Variants in ROBO1 observed in about 807,000 individuals in gnomAD.
ROBO1 encodes the protein roundabout homolog 1.
In ROBO1, 149 loss-of-function variants were observed where a neutral mutation model predicts 195.9. The ratio of observed to expected loss-of-function variants is 0.76; its 90% CI spans 0.67 to 0.87. ROBO1 has a LOEUF of 0.87. ROBO1 is among the 40% of genes least tolerant of loss of function. The probability of loss-of-function intolerance (pLI) is 0.00; values close to 1 mark genes in which losing one functional copy is unlikely to be tolerated. For missense variants in ROBO1, 1,933 were observed against 2,068.3 expected (o/e 0.93, Z 1.27); for synonymous variants, 816 against 733.2 (o/e 1.11, Z -1.82).
Position 79,134,231 on chromosome 3 carries a change from A to G in ROBO1, c.89-8692T>C, listed in dbSNP as rs928839955. On this transcript the variant is annotated intron_variant, in intron 2 of 30. Transcript: ENST00000464233. ...CCCCATCAAAAAGTGGGCGAAGGAC[A>G]TGAACAGACACTTCTCAAAAGAAGA... is the stretch of plus-strand genomic sequence containing the variant. Among the ~76,000 whole-genome samples, 6 of 135,060 alleles carry G rather than the reference A, an allele frequency of 4.4e-5. No individual in the cohort carries two copies. In the Admixed American group the frequency reaches 4.8e-4, roughly 11 times the overall value. 88.6% of individuals were successfully genotyped at this position (135,060 alleles called of 152,430 possible). A position where few individuals can be genotyped will look rare whatever the true frequency, so the allele number is the denominator to read the frequency against.
intron 3 of ROBO1, among the ~76,000 whole-genome samples, chr3:78,946,348 G>A (rs1367614219): frequency 1.3e-5 from 2 of 152,162 alleles, no homozygotes; most frequent in Non-Finnish European, 2.9e-5. Flanking sequence ...ACAAGCTAGA[G>A]GAGAGTGGGG....
At chr3:78,717,122 A>G (rs376423281) in intron 7 of ROBO1, among the ~76,000 whole-genome samples, 153 bp downstream of exon 7, 133 of 152,124 alleles carry the variant, frequency 8.7e-4, no homozygotes, top group African/African-American at 2.8e-3. Flanking sequence ...CAGGATGGCA[A>G]CCTCCTGCTT....
At chr3:78,740,578 T>A (rs2108250570) in intron 5 of ROBO1, among the ~76,000 whole-genome samples, 1 of 151,890 alleles carries the variant, frequency 6.6e-6, no homozygotes, top group East Asian at 2.0e-4. Flanking sequence ...TTCAAGCGAC[T>A]GTCCTGTCTC....
intron 4 of ROBO1, among the ~76,000 whole-genome samples, chr3:78,819,954 A>G (rs1035392823): frequency 2.0e-5 from 3 of 152,184 alleles, no homozygotes; most frequent in Non-Finnish European, 2.9e-5. Context: ...ATTATCCCCA[A>G]TGGGATAGAA....
chr3:79,040,424 G>A (rs1334782091), intron 3 of ROBO1, among the ~76,000 whole-genome samples: 2 of 151,934 alleles, frequency 1.3e-5, no homozygotes, highest in East Asian at 3.9e-4. Context: ...TAATATACAA[G>A]AGCTTATAAT....
chr3:78,714,536 AC>A lies in ROBO1; in HGVS notation c.918-13del, dbSNP rs760213624. On this transcript the variant is annotated splice_polypyrimidine_tract_variant and intron_variant, in intron 7 of 30. Coordinates refer to ENST00000464233, the MANE Select transcript of ROBO1 (RefSeq NM_002941.4). ...CTCGGATTTCATATCTAATGACATA[AC>A]AAAAGAAAGCACAGTTAAGTGACTT... The A allele has an allele frequency of 6.2e-7, 1 of 1,606,472 alleles. No individual in the cohort carries two copies. The highest frequency in any genetic ancestry group is 8.5e-7 in the Non-Finnish European group (1 of 1,176,838).
At chr3:78,953,016 G>T (rs930758361) in intron 3 of ROBO1, among the ~76,000 whole-genome samples, 3 of 152,084 alleles carry the variant, frequency 2.0e-5, no homozygotes, top group Admixed American at 2.0e-4. Context: ...TATTCCTAAA[G>T]AATCTAATAT....
intron 4 of ROBO1, among the ~76,000 whole-genome samples, chr3:78,779,649 A>G (rs1464703528): frequency 1.3e-5 from 2 of 152,212 alleles, no homozygotes; most frequent in African/African-American, 4.8e-5. Context: ...ACGCTTTTAC[A>G]CTGTTGGTGG....
At chr3:79,702,421 T>C (rs1947645651) in intron 1 of ROBO1, among the ~76,000 whole-genome samples, 1 of 151,874 alleles carries the variant, frequency 6.6e-6, no homozygotes, top group South Asian at 2.1e-4. Context: ...TTATAACTCA[T>C]TGTCTCTTCT....
chr3:78,968,087 G>A (rs1377671989), intron 3 of ROBO1, among the ~76,000 whole-genome samples: 1 of 152,080 alleles, frequency 6.6e-6, no homozygotes, highest in Non-Finnish European at 1.5e-5. Flanking sequence ...TGTTACAGAA[G>A]TATCAAAAGA....
intron 2 of ROBO1, among the ~76,000 whole-genome samples, chr3:79,207,301 A>G (rs1338088313): frequency 6.6e-6 from 1 of 152,150 alleles, no homozygotes; most frequent in Non-Finnish European, 1.5e-5. Context: ...CATGTCATAA[A>G]ACAATGCCTC....
intron 3 of ROBO1, among the ~76,000 whole-genome samples, chr3:79,004,222 G>A (rs2077570925): frequency 6.6e-6 from 1 of 152,032 alleles, no homozygotes; most frequent in South Asian, 2.1e-4. Flanking sequence ...ACATGGGGAT[G>A]TAAATTTGCG....
chr3:79,550,197 A>AAAGAAAGAAAGG (rs142251104), intron 2 of ROBO1, among the ~76,000 whole-genome samples: 1 of 19,328 alleles, frequency 5.2e-5, no homozygotes, highest in African/African-American at 1.4e-4. Flanking sequence ...GAAAGAAAGG[A>AAAGAAAGAAAGG]AAAGAAAAGA....
At chr3:79,564,035 T>TA (rs35020571) in intron 2 of ROBO1, among the ~76,000 whole-genome samples, 6,723 of 148,086 alleles carry the variant, frequency 0.045, 490 homozygotes, top group African/African-American at 0.15. Context: ...ATGGTAAAAT[T>TA]AAAAAAAAAA....
Position 79,578,946 on chromosome 3 carries a change from G to A in ROBO1, c.88+10878C>T, listed in dbSNP as rs140349308. ...AAGAACTAGTTGCCAGTGAACATTC[G>A]TACGCTTATGTTTAATAGCTTTGAG... On this transcript the variant is annotated intron_variant, in intron 2 of 30. Transcript: ENST00000464233. 1.9e-3 allele frequency among the ~76,000 whole-genome samples: 296 copies of A among 152,196 alleles called. 1 individual carries two copies. The highest frequency in any genetic ancestry group is 2.7e-3 in the Non-Finnish European group (181 of 68,002).
chr3:79,284,003 TG>T (rs2031718182), intron 2 of ROBO1, among the ~76,000 whole-genome samples: 1 of 152,050 alleles, frequency 6.6e-6, no homozygotes, highest in African/African-American at 2.4e-5. Context: ...GGCCTATCCA[TG>T]AATTCTTAAA....
intron 1 of ROBO1, among the ~76,000 whole-genome samples, chr3:79,592,421 C>A (rs1355137022): frequency 6.6e-6 from 1 of 151,934 alleles, no homozygotes; most frequent in African/African-American, 2.4e-5. Flanking sequence ...TGGCTAAAAA[C>A]ATAATATGAT....
chr3:79,200,738 A>C (rs1388269391), intron 2 of ROBO1, among the ~76,000 whole-genome samples: 2 of 151,916 alleles, frequency 1.3e-5, no homozygotes, highest in Admixed American at 6.6e-5. Flanking sequence ...TGAGATAACC[A>C]AACAATGTTT....
At chr3:79,647,662 A>T (rs1233477193) in intron 1 of ROBO1, among the ~76,000 whole-genome samples, 1 of 152,036 alleles carries the variant, frequency 6.6e-6, no homozygotes, top group African/African-American at 2.4e-5. Context: ...CTAAACAATT[A>T]TCCATCCCAA....
Sources: allele counts gnomAD v4.1 joint callset (sites outside exome capture counted in the v4.1 genomes callset), GRCh38; gene constraint gnomAD v4.1.1; transcripts MANE v1.5; gene names NCBI Gene and HGNC (gene_info 2026-07-23, HGNC 2026-07-21).